Variants in CLPB observed in about 807,000 individuals in gnomAD.
CLPB encodes the protein mitochondrial disaggregase.
In CLPB, 40 loss-of-function variants were observed where a neutral mutation model predicts 78.4. That is an observed-to-expected ratio of 0.51 (90% confidence interval 0.40 to 0.66). The LOEUF is 0.66. CLPB is among the 30% of genes least tolerant of loss of function. CLPB has a pLI of 0.00. For synonymous variants in CLPB, 333 were observed against 348.0 expected (o/e 0.96, Z 0.48); for missense variants, 780 against 886.9 (o/e 0.88, Z 1.53).
intron 1 of CLPB, among the ~76,000 whole-genome samples, chr11:72,433,578 A>G (rs1204437142): frequency 6.9e-6 from 1 of 144,818 alleles, no homozygotes; most frequent in African/African-American, 2.8e-5. Context: ...TAAATAAATA[A>G]ATAAATAAAT....
intron 11 of CLPB, among the ~76,000 whole-genome samples, chr11:72,299,831 T>C (rs551735481): frequency 6.6e-6 from 1 of 152,220 alleles, no homozygotes; most frequent in South Asian, 2.1e-4. Context: ...CGACAACAGC[T>C]GCAGGAAGGA....
At chr11:72,365,149 G>A (rs145298145) in intron 4 of CLPB, among the ~76,000 whole-genome samples, 31 of 152,160 alleles carry the variant, frequency 2.0e-4, no homozygotes, top group Middle Eastern at 6.8e-3. Context: ...GTGAAACCCC[G>A]TCTCTACTAA....
intron 2 of CLPB, among the ~76,000 whole-genome samples, chr11:72,420,682 G>T (rs1856169359): frequency 6.6e-6 from 1 of 152,190 alleles, no homozygotes. Context: ...AGTACAGGGT[G>T]CTATGGGAAT....
At chr11:72,351,020 C>G (rs1331037321) in intron 5 of CLPB, among the ~76,000 whole-genome samples, 2 of 152,212 alleles carry the variant, frequency 1.3e-5, no homozygotes, top group Non-Finnish European at 2.9e-5. Flanking sequence ...CAGATAACTG[C>G]TAACATGGAG....
chr11:72,367,103 G>GC, intron 4 of CLPB, among the ~76,000 whole-genome samples: 1 of 152,184 alleles, frequency 6.6e-6, no homozygotes. Context: ...GCAGCTAGAA[G>GC]CCATCATCCT....
At chr11:72,374,979 TTCAC>T (rs1854639180) in intron 4 of CLPB, among the ~76,000 whole-genome samples, 1 of 152,210 alleles carries the variant, frequency 6.6e-6, no homozygotes, top group Admixed American at 6.5e-5. Context: ...TATCTAACTA[TTCAC>T]TCAAATTGGA....
chr11:72,384,368 A>G (rs1855014518), intron 3 of CLPB, among the ~76,000 whole-genome samples: 1 of 152,258 alleles, frequency 6.6e-6, no homozygotes, highest in South Asian at 2.1e-4. Flanking sequence ...CTAAAAATAC[A>G]GAATATGTTT....
At chr11:72,316,810 C>T (rs1009886841) in intron 7 of CLPB, among the ~76,000 whole-genome samples, 7 of 152,236 alleles carry the variant, frequency 4.6e-5, no homozygotes, top group East Asian at 1.9e-4. Context: ...GACCAGATGA[C>T]GGTCAGAGTT....
At position 72,395,563 on chromosome 11, in the gene CLPB, A is replaced by G. The variant is rs148119191; in HGVS notation, c.542+7403T>C. Reference sequence around the variant, plus strand: ...CCTGAGGATTAGACCCAACATGGGAAGTGCTTGACATGGGCCTGGCACACA... The same window carrying G: ...CCTGAGGATTAGACCCAACATGGGAGGTGCTTGACATGGGCCTGGCACACA... On this transcript the variant is annotated intron_variant, in intron 3 of 15. Coordinates refer to ENST00000538039, the MANE Select transcript of CLPB (RefSeq NM_001258392.3). Among the ~76,000 whole-genome samples, 374 of 152,326 alleles carry G rather than the reference A, an allele frequency of 2.5e-3. 4 individuals are homozygous for G. Among genetic ancestry groups the G allele is most frequent in the African/African-American group, 8.5e-3 (355 of 41,562 alleles).
At chr11:72,347,050 T>C (rs1408557571) in intron 5 of CLPB, among the ~76,000 whole-genome samples, 1 of 99,180 alleles carries the variant, frequency 1.0e-5, no homozygotes, top group Non-Finnish European at 2.1e-5. Context: ...TATTAGAAAA[T>C]AGAGGGAAAG....
intron 6 of CLPB, among the ~76,000 whole-genome samples, chr11:72,319,671 C>T (rs534285951): frequency 5.9e-5 from 9 of 152,162 alleles, no homozygotes; most frequent in Non-Finnish European, 1.3e-4. Flanking sequence ...CCTGTAGGAT[C>T]CTTGTGGAAT....
chr11:72,374,804 C>T (rs1394890529), intron 4 of CLPB, among the ~76,000 whole-genome samples: 3 of 152,196 alleles, frequency 2.0e-5, no homozygotes, highest in Admixed American at 6.5e-5. Flanking sequence ...ACCTTAAATG[C>T]TGGTATCCTG....
chr11:72,301,221 C>T lies in CLPB; in HGVS notation c.1329+582G>A, dbSNP rs905761028. Among the ~76,000 whole-genome samples, 7 of 152,168 alleles carry T rather than the reference C, an allele frequency of 4.6e-5. No individual in the cohort carries two copies. In the East Asian group the frequency reaches 9.6e-4, roughly 21 times the overall value. On this transcript the variant is annotated intron_variant, in intron 11 of 15. Transcript: ENST00000538039. Reference sequence around the variant, plus strand: ...TCTCTCCATTTAGAACTTACCCCTACGAGCAGGGGAACTGGACAGTCTGTG... The same window carrying T: ...TCTCTCCATTTAGAACTTACCCCTATGAGCAGGGGAACTGGACAGTCTGTG...
chr11:72,393,843 C>A (rs1855324774), intron 3 of CLPB, among the ~76,000 whole-genome samples: 1 of 152,110 alleles, frequency 6.6e-6, no homozygotes, highest in South Asian at 2.1e-4. Context: ...TAGTTTTTAT[C>A]AACACAGATT....
intron 2 of CLPB, among the ~76,000 whole-genome samples, chr11:72,412,723 G>C (rs1341563917): frequency 1.3e-5 from 2 of 152,098 alleles, no homozygotes; most frequent in Admixed American, 1.3e-4. Context: ...TGTTTGTGAG[G>C]GCACTTACAT....
chr11:72,346,087 G>C (rs916350170), intron 5 of CLPB, among the ~76,000 whole-genome samples: 4 of 152,116 alleles, frequency 2.6e-5, no homozygotes, highest in Non-Finnish European at 5.9e-5. Context: ...TAGAATGTGG[G>C]GCAGATGAGG....
chr11:72,372,997 C>T (rs1256537667), intron 4 of CLPB: 2 of 1,613,974 alleles, frequency 1.2e-6, no homozygotes, highest in Admixed American at 1.7e-5. Context: ...TGCCGGCTTG[C>T]ACCGTCCTGT....
Position 72,354,277 on chromosome 11 carries a change from G to GTATATATA in CLPB, c.775+4595_775+4602dup, listed in dbSNP as rs57178829. On this transcript the variant is annotated intron_variant, in intron 5 of 15. Coordinates refer to ENST00000538039, the MANE Select transcript of CLPB (RefSeq NM_001258392.3). ...AATGCTTCCAAAGATGTGTGTGTGT[G>GTATATATA]TATATATATATATATATATATAGCT... 683 of 375,540 alleles carry GTATATATA rather than the reference G, an allele frequency of 1.8e-3. 4 individuals carry two copies. The highest frequency in any genetic ancestry group is 0.014 in the African/African-American group (636 of 46,456). 23.3% of individuals were successfully genotyped at this position (375,540 alleles called of 1,614,324 possible).
intron 4 of CLPB, among the ~76,000 whole-genome samples, chr11:72,361,126 G>A (rs976201568): frequency 6.6e-6 from 1 of 152,226 alleles, no homozygotes; most frequent in Non-Finnish European, 1.5e-5. Flanking sequence ...TAATGTGGAT[G>A]GAAGCATTTC....
Sources: gnomAD v4.1 joint callset for allele counts (sites outside exome capture counted in the v4.1 genomes callset) on GRCh38, gnomAD v4.1.1 for gene constraint, MANE v1.5 for transcripts, NCBI Gene and HGNC (gene_info 2026-07-23, HGNC 2026-07-21) for gene names.